The following MNAT1 variants were observed in gnomAD, a reference collection of about 807,000 sequenced individuals.
MNAT1 encodes the protein MNAT1 component of CDK activating kinase.
In MNAT1, 43 loss-of-function variants were observed where a neutral mutation model predicts 42.0. The observed-to-expected ratio is 1.02, with a 90% CI of 0.80 to 1.32. The LOEUF is 1.32. MNAT1 is among the 40% of genes most tolerant of loss of function. MNAT1 has a pLI of 0.00. For synonymous variants in MNAT1, 118 were observed against 120.0 expected (o/e 0.98, Z 0.11); for missense variants, 306 against 350.4 (o/e 0.87, Z 1.01).
intron 6 of MNAT1, among the ~76,000 whole-genome samples, chr14:60,822,495 C>T (rs2032920693): frequency 6.6e-6 from 1 of 151,948 alleles, no homozygotes; most frequent in Admixed American, 6.6e-5. Context: ...GTGGTGAGAT[C>T]CTAGCTCACT....
At chr14:60,856,946 T>C (rs1161090098) in intron 6 of MNAT1, among the ~76,000 whole-genome samples, 9 of 152,162 alleles carry the variant, frequency 5.9e-5, no homozygotes, top group African/African-American at 1.9e-4. Flanking sequence ...CCCAAAGTGC[T>C]GAGATTACAG....
intron 7 of MNAT1, among the ~76,000 whole-genome samples, chr14:60,891,300 A>G (rs910671157): frequency 2.0e-5 from 3 of 150,868 alleles, no homozygotes; most frequent in Non-Finnish European, 4.4e-5. Flanking sequence ...CAATTTATTT[A>G]TTTTTCTCTT....
chr14:60,858,937 G>A (rs550242075), intron 6 of MNAT1, among the ~76,000 whole-genome samples: 1 of 152,312 alleles, frequency 6.6e-6, no homozygotes, highest in Admixed American at 6.5e-5. Flanking sequence ...AATAAAAAAT[G>A]TGTGTGACTC....
At chr14:60,861,246 A>G (rs2034088073) in intron 6 of MNAT1, among the ~76,000 whole-genome samples, 1 of 152,180 alleles carries the variant, frequency 6.6e-6, no homozygotes, top group African/African-American at 2.4e-5. Flanking sequence ...TCCAGAAAAA[A>G]TGTTTTCTGT....
At chr14:60,902,583 A>G (rs1245947351) in intron 7 of MNAT1, among the ~76,000 whole-genome samples, 2 of 152,198 alleles carry the variant, frequency 1.3e-5, no homozygotes, top group African/African-American at 4.8e-5. Flanking sequence ...GTAATGAAAC[A>G]TCAAAAGCCA....
chr14:60,823,795 G>T (rs1043328462), intron 6 of MNAT1, among the ~76,000 whole-genome samples: 2 of 152,020 alleles, frequency 1.3e-5, no homozygotes. Flanking sequence ...GGCGGCAGAG[G>T]TTGCAGTGAG....
rs557655903 is a variant in MNAT1 at position 60,908,384 on chromosome 14, A to G, written c.809+28549A>G. On this transcript the variant is annotated intron_variant, in intron 7 of 7. Coordinates refer to ENST00000261245, the MANE Select transcript of MNAT1 (RefSeq NM_002431.4). Reference sequence around the variant, plus strand: ...TGTGTACAACGTGCAGGTTTGTTACATATGTATACATGTGCCATGTTGGTG... The same window carrying G: ...TGTGTACAACGTGCAGGTTTGTTACGTATGTATACATGTGCCATGTTGGTG... 2.9e-3 allele frequency among the ~76,000 whole-genome samples: 440 copies of G among 152,028 alleles called. 3 individuals carry two copies. Among genetic ancestry groups the G allele is most frequent in the South Asian group, 0.011 (53 of 4,796 alleles).
At chr14:60,737,525 C>T (rs1416359581) in intron 1 of MNAT1, among the ~76,000 whole-genome samples, 4 of 151,476 alleles carry the variant, frequency 2.6e-5, no homozygotes, top group African/African-American at 9.7e-5. Flanking sequence ...ATTTATTTAC[C>T]CCAATTTTTA....
chr14:60,891,818 T>C (rs750514639), intron 7 of MNAT1, among the ~76,000 whole-genome samples: 3 of 152,176 alleles, frequency 2.0e-5, no homozygotes, highest in Admixed American at 1.3e-4. Context: ...ACTCTTTTGC[T>C]GTGTCCCATA....
At chr14:60,965,725 T>C (rs2036670871) in intron 7 of MNAT1, among the ~76,000 whole-genome samples, 1 of 152,244 alleles carries the variant, frequency 6.6e-6, no homozygotes, top group South Asian at 2.1e-4. Context: ...GCTTGAATTT[T>C]ACCATAAGTG....
At chr14:60,900,447 A>C (rs1427056832) in intron 7 of MNAT1, among the ~76,000 whole-genome samples, 1 of 152,214 alleles carries the variant, frequency 6.6e-6, no homozygotes, top group Admixed American at 6.5e-5. Context: ...CCTTAAACCA[A>C]AGCCTAACTT....
chr14:60,892,060 G>A (rs1024355320), intron 7 of MNAT1, among the ~76,000 whole-genome samples: 3 of 152,166 alleles, frequency 2.0e-5, no homozygotes, highest in East Asian at 3.9e-4. Flanking sequence ...TTAAATTATG[G>A]CCTAAAATAT....
intron 7 of MNAT1, among the ~76,000 whole-genome samples, chr14:60,897,281 A>T (rs1043103161): frequency 6.6e-6 from 1 of 152,168 alleles, no homozygotes; most frequent in African/African-American, 2.4e-5. Context: ...GTAGTTTCAT[A>T]TAAGAGTTAC....
At chr14:60,815,949 C>A (rs775009322) in intron 5 of MNAT1, among the ~76,000 whole-genome samples, 1 of 151,914 alleles carries the variant, frequency 6.6e-6, no homozygotes, top group Non-Finnish European at 1.5e-5. Flanking sequence ...CTAATGAATT[C>A]ATTAAATTTA....
chr14:60,782,879 AT>A (rs2031513067), intron 1 of MNAT1, among the ~76,000 whole-genome samples: 1 of 152,228 alleles, frequency 6.6e-6, no homozygotes, highest in African/African-American at 2.4e-5. Flanking sequence ...TTTACCACTT[AT>A]ATTAACACTT....
intron 6 of MNAT1, among the ~76,000 whole-genome samples, chr14:60,873,441 T>C (rs748572337): frequency 3.9e-5 from 6 of 152,112 alleles, no homozygotes; most frequent in Non-Finnish European, 7.4e-5. Context: ...TTTCTTTAGT[T>C]TTCTTTTGCA....
rs778953187 is a variant in MNAT1 at position 60,818,854 on chromosome 14, C to G, written c.687+7C>G. Reference sequence around the variant, plus strand: ...TTCCACAGGCATCAAAATGGTAAGCCTTATTTTAATTGCTTGTTTGAAAGA... The same window carrying G: ...TTCCACAGGCATCAAAATGGTAAGCGTTATTTTAATTGCTTGTTTGAAAGA... On this transcript the variant is annotated splice_region_variant and intron_variant, in intron 6 of 7. Transcript: ENST00000261245. The G allele has an allele frequency of 3.7e-6, 6 of 1,606,386 alleles. No homozygotes were observed. In the Admixed American group the frequency reaches 6.9e-5, roughly 19 times the overall value.
chr14:60,839,977 C>T (rs2033501069), intron 6 of MNAT1, among the ~76,000 whole-genome samples: 2 of 152,208 alleles, frequency 1.3e-5, no homozygotes, highest in African/African-American at 4.8e-5. Flanking sequence ...GTGGAATGAG[C>T]CCAGCGGGCC....
Position 60,964,639 on chromosome 14 carries a change from C to T in MNAT1, c.810-3590C>T, listed in dbSNP as rs148531753. 3.0e-3 allele frequency among the ~76,000 whole-genome samples: 451 copies of T among 152,256 alleles called. 1 individual carries two copies. Among genetic ancestry groups the T allele is most frequent in the African/African-American group, 0.01 (422 of 41,552 alleles). On this transcript the variant is annotated intron_variant, in intron 7 of 7. Transcript: ENST00000261245. ...TTGGCTAAATAGTCAGAGCAATTAC[C>T]TCCAGGCTCCCAAACCCAACTGAGC... is the stretch of plus-strand genomic sequence containing the variant.
Sources: allele counts gnomAD v4.1 joint callset (sites outside exome capture counted in the v4.1 genomes callset), GRCh38; gene constraint gnomAD v4.1.1; transcripts MANE v1.5; gene names NCBI Gene and HGNC (gene_info 2026-07-23, HGNC 2026-07-21).